The following FANCI variants were observed in gnomAD, a reference collection of about 807,000 sequenced individuals.
FANCI encodes the protein Fanconi anemia group I protein.
In FANCI, 156 loss-of-function variants were observed where a neutral mutation model predicts 176.1. The observed-to-expected ratio is 0.89, with a 90% CI of 0.78 to 1.01. The LOEUF (loss-of-function observed/expected upper bound fraction) is 1.01, where lower values mean the gene tolerates loss of function less well. Ranked by LOEUF, FANCI falls within the 50% of genes least tolerant of loss-of-function variation. The pLI is 0.00. For missense variants in FANCI, 1,678 were observed against 1,534.1 expected, an observed-to-expected ratio of 1.09 and a Z score of -1.57; for synonymous variants, 613 against 541.7, an observed-to-expected ratio of 1.13 and a Z score of -1.83.
At chr15:89,277,630 A>AAAAAAAAAG (rs1555445436) in intron 13 of FANCI, among the ~76,000 whole-genome samples, 6 of 146,094 alleles carry the variant, frequency 4.1e-5, no homozygotes, top group East Asian at 2.0e-4. Flanking sequence ...AAAAAAAAAA[A>AAAAAAAAAG]AAGAATCATA....
chr15:89,295,101 C>A lies in FANCI; in HGVS notation c.2636+7C>A, dbSNP rs1264792365. 4 of 1,550,352 alleles carry A rather than the reference C, an allele frequency of 2.6e-6. No individual in the cohort carries two copies. The highest frequency in any genetic ancestry group is 8.7e-7 in the Non-Finnish European group (1 of 1,146,688). ...ACCTCTGTGACATAACTCGGTAAGC[C>A]ACTCCCACCCCTTAGAAACTTATTC... On this transcript the variant is annotated splice_region_variant and intron_variant, in intron 24 of 37. Coordinates refer to ENST00000310775, the MANE Select transcript of FANCI (RefSeq NM_001113378.2).
At chr15:89,275,799 C>T (rs901309249) in intron 12 of FANCI, among the ~76,000 whole-genome samples, 1 of 152,168 alleles carries the variant, frequency 6.6e-6, no homozygotes, top group Non-Finnish European at 1.5e-5. Flanking sequence ...AAAGCATCTC[C>T]ATGTATAATT....
At chr15:89,302,660 G>A (rs58743541) in intron 27 of FANCI, among the ~76,000 whole-genome samples, 6,015 of 151,288 alleles carry the variant, frequency 0.04, 380 homozygotes, top group African/African-American at 0.14. Context: ...TGCAGGCGCC[G>A]CCTTCCGGGT....
chr15:89,269,260 T>C (rs891185494), intron 10 of FANCI, among the ~76,000 whole-genome samples: 5 of 152,182 alleles, frequency 3.3e-5, no homozygotes, highest in Non-Finnish European at 7.3e-5. Context: ...TGCCTGAATA[T>C]TTCAGCATGC....
rs574325699 is a variant in FANCI, at chr15:89,296,950, G to A, written c.2636+1856G>A. Among the ~76,000 whole-genome samples, 265 of 147,568 alleles carry A rather than the reference G, an allele frequency of 1.8e-3. 2 individuals carry two copies. The highest frequency in any genetic ancestry group is 0.013 in the East Asian group (63 of 4,884). On this transcript the variant is annotated intron_variant, in intron 24 of 37. Coordinates refer to ENST00000310775, the MANE Select transcript of FANCI (RefSeq NM_001113378.2). ...CCCCCACCTCCCTCCCGGACGGGGC[G>A]GCTGGCCGGGCGGGGGGCTGACCCC... is the stretch of plus-strand genomic sequence containing the variant.
chr15:89,305,681 G>C lies in FANCI; in HGVS notation c.3332G>C (p.Ser1111Thr). 6.2e-7 allele frequency: 1 copy of C among 1,614,222 alleles called. No individual in the cohort carries two copies. Among genetic ancestry groups the C allele is most frequent in the Non-Finnish European group, 8.5e-7 (1 of 1,180,030 alleles). Residue 1111 changes from serine to threonine, a missense_variant, in exon 31 of 38, where the codon AGC becomes ACC. Physicochemically the swap from Ser to Thr is moderately conservative, Grantham distance 58. Transcript: ENST00000310775. ...WLITKLKGQV[S>T]QETLSEEASS... ...ATCACCAAGCTTAAGGGACAAGTGAGCCAAGAAACCTTATCAGGTAAGATA... is the reference window on the plus strand; with the variant it reads ...ATCACCAAGCTTAAGGGACAAGTGACCCAAGAAACCTTATCAGGTAAGATA...
intron 10 of FANCI, among the ~76,000 whole-genome samples, chr15:89,271,167 TACATAGC>T (rs529327216): frequency 6.6e-5 from 10 of 152,242 alleles, no homozygotes; most frequent in Non-Finnish European, 1.3e-4. Flanking sequence ...AGGCACAATT[TACATAGC>T]ACAAAATTAT....
intron 27 of FANCI, among the ~76,000 whole-genome samples, chr15:89,303,001 C>A (rs1322202433): frequency 6.6e-6 from 1 of 152,162 alleles, no homozygotes; most frequent in Non-Finnish European, 1.5e-5. Flanking sequence ...CCTCCTCTCC[C>A]CAAATAAGTA....
chr15:89,290,490 T>C, intron 19 of FANCI: 1 of 567,510 alleles, frequency 1.8e-6, no homozygotes, highest in East Asian at 3.0e-5. Flanking sequence ...CTAGCAGTTA[T>C]CCTTGTGAAT....
rs184803650 is a variant in FANCI, at chr15:89,277,577, A to C, written c.1293+686A>C. On this transcript the variant is annotated intron_variant, in intron 13 of 37. Transcript: ENST00000310775. ...CAGTGAGCTGTGTTTGCACCACTGC[A>C]CTCCAGCCTGGGTAACAAAGTGAGA... Among the ~76,000 whole-genome samples, 604 of 147,188 alleles carry C rather than the reference A, an allele frequency of 4.1e-3. 2 individuals are homozygous for C. The highest frequency in any genetic ancestry group is 0.015 in the African/African-American group (578 of 39,566).
intron 34 of FANCI, among the ~76,000 whole-genome samples, chr15:89,312,442 C>CCTAT (rs1368644021): frequency 1.3e-5 from 2 of 152,058 alleles, no homozygotes; most frequent in Non-Finnish European, 2.9e-5. Flanking sequence ...CCATTTTTTC[C>CCTAT]CTATCTTCTA....
At chr15:89,311,010 C>T (rs2054933654) in intron 34 of FANCI, among the ~76,000 whole-genome samples, 2 of 152,128 alleles carry the variant, frequency 1.3e-5, no homozygotes, top group Admixed American at 1.3e-4. Context: ...GTAATCTCAG[C>T]ATTTTGGGAG....
intron 2 of FANCI, among the ~76,000 whole-genome samples, chr15:89,253,861 A>G (rs2052378833): frequency 6.6e-6 from 1 of 151,964 alleles, no homozygotes; most frequent in African/African-American, 2.4e-5. Context: ...GATATATAAA[A>G]ATGGCCTTAA....
At chr15:89,274,067 C>T (rs1005368460) in intron 11 of FANCI, 101 bp from the exon 12 acceptor site, 6 of 881,486 alleles carry the variant, frequency 6.8e-6, no homozygotes, top group Non-Finnish European at 1.0e-5. Context: ...ATAGCATGAG[C>T]TATATAATAT....
intron 27 of FANCI, among the ~76,000 whole-genome samples, chr15:89,303,402 A>G (rs1182934364): frequency 6.6e-6 from 1 of 152,020 alleles, no homozygotes; most frequent in Non-Finnish European, 1.5e-5. Flanking sequence ...TGCCTCTTTT[A>G]TTTCTCTTTT....
intron 10 of FANCI, among the ~76,000 whole-genome samples, chr15:89,271,183 A>T (rs190285158): frequency 6.6e-6 from 1 of 152,068 alleles, no homozygotes; most frequent in African/African-American, 2.4e-5. Context: ...GCACAAAATT[A>T]TTTTATTCTA....
chr15:89,306,977 T>C (rs1309529697), intron 32 of FANCI, among the ~76,000 whole-genome samples: 1 of 152,234 alleles, frequency 6.6e-6, no homozygotes, highest in Admixed American at 6.5e-5. Context: ...AAAATTATTT[T>C]TTATAAAAAT....
chr15:89,285,364 G>A, intron 18 of FANCI, 146 bp downstream of exon 18: 1 of 1,160,108 alleles, frequency 8.6e-7, no homozygotes, highest in Non-Finnish European at 1.2e-6. Flanking sequence ...TAGTCAAAAA[G>A]TTGTTTAAGG....
chr15:89,253,023 T>C (rs2052330160), intron 2 of FANCI, among the ~76,000 whole-genome samples: 2 of 152,282 alleles, frequency 1.3e-5, no homozygotes, highest in South Asian at 4.1e-4. Flanking sequence ...TGAGAGAGGA[T>C]TAACCATAGC....
Sources: gnomAD v4.1 joint callset for allele counts (sites outside exome capture counted in the v4.1 genomes callset) on GRCh38, gnomAD v4.1.1 for gene constraint, MANE v1.5 for transcripts, NCBI Gene and HGNC (gene_info 2026-07-23, HGNC 2026-07-21) for gene names.